Variants in SOX6 observed in about 807,000 individuals in gnomAD.
The protein encoded by SOX6 is SRY-box transcription factor 6, also known as transcription factor SOX-6.
SOX6 carries 11 observed loss-of-function variants against 97.8 expected under a neutral mutation model. That is an observed-to-expected ratio of 0.11 (90% CI 0.07 to 0.19). SOX6 has a LOEUF of 0.19. Among genes scored for constraint, SOX6 ranks in the 10% least tolerant of loss-of-function variants. The probability of loss-of-function intolerance (pLI) is 1.00; values close to 1 mark genes in which losing one functional copy is unlikely to be tolerated. For missense variants in SOX6, 810 were observed against 1,039.5 expected (o/e 0.78, Z 3.04); for synonymous variants, 360 against 371.4 (o/e 0.97, Z 0.35).
rs1215855076 is a variant in SOX6 at position 16,514,678 on chromosome 11, C to T, written n.610-38290G>A. Among the ~76,000 whole-genome samples the T allele has an allele frequency of 4.0e-4, 58 of 146,822 alleles. 1 individual carries two copies. Among genetic ancestry groups the T allele is most frequent in the South Asian group, 2.3e-4 (1 of 4,380 alleles). ...GTCATCTAGCATTAGGTATATCTCC[C>T]AATGCTATCCCTCCCCCCTCCCCCC... On this transcript the variant is annotated intron_variant and non_coding_transcript_variant, in intron 4 of 5. Coordinates refer to the SOX6 transcript ENST00000524520.
chr11:16,685,902 A>G (rs772585613), intron 3 of SOX6, among the ~76,000 whole-genome samples: 5 of 152,190 alleles, frequency 3.3e-5, no homozygotes, highest in Non-Finnish European at 5.9e-5. Context: ...TCGCTCTTGC[A>G]CTCTGCGTGC....
intron 4 of SOX6, among the ~76,000 whole-genome samples, chr11:16,534,849 T>C (rs192410623): frequency 2.4e-4 from 37 of 152,330 alleles, no homozygotes; most frequent in Non-Finnish European, 4.7e-4. Flanking sequence ...CTTGATGCCA[T>C]ATCCTTTTCC....
intron 4 of SOX6, among the ~76,000 whole-genome samples, chr11:16,508,361 C>G (rs982392498): frequency 1.3e-5 from 2 of 152,030 alleles, no homozygotes; most frequent in African/African-American, 4.8e-5. Flanking sequence ...GGTATTTATC[C>G]AAAGGAAAGG....
chr11:16,076,393 TAAATC>T (rs1263140978), intron 9 of SOX6, among the ~76,000 whole-genome samples: 2 of 130,690 alleles, frequency 1.5e-5, no homozygotes, highest in Non-Finnish European at 3.3e-5. Flanking sequence ...ATAAGGAACT[TAAATC>T]AATAAGCAAA....
intron 4 of SOX6, chr11:16,484,578 C>T: frequency 2.7e-6 from 2 of 742,004 alleles, no homozygotes; most frequent in East Asian, 2.5e-5. Flanking sequence ...GCCACCTTCA[C>T]AGCCTCAGTC....
intron 13 of SOX6, among the ~76,000 whole-genome samples, chr11:15,999,550 A>G (rs1854334635): frequency 6.6e-6 from 1 of 152,024 alleles, no homozygotes; most frequent in Admixed American, 6.6e-5. Context: ...AAAAACAAAA[A>G]CCCCACAAAA....
rs191571846 is a variant in SOX6 at position 16,035,426 on chromosome 11, G to A, written c.1623+11088C>T. ...AGAATTAACTTTAATTAATAAATGT[G>A]TGAAATGCTTTGCAAACAATTTAAA... On this transcript the variant is annotated intron_variant, in intron 12 of 15. Transcript: ENST00000683767. Among the ~76,000 whole-genome samples, 5 of 152,264 alleles carry A rather than the reference G, an allele frequency of 3.3e-5. No homozygotes were observed. In the East Asian group the frequency reaches 9.6e-4, roughly 29 times the overall value.
intron 4 of SOX6, among the ~76,000 whole-genome samples, chr11:16,576,649 G>T (rs963546441): frequency 2.0e-5 from 3 of 152,158 alleles, no homozygotes; most frequent in Middle Eastern, 3.4e-3. Context: ...GAGAAATAAA[G>T]TTATAAGGGA....
At chr11:16,311,676 A>G (rs893168346) in intron 3 of SOX6, 1 of 151,742 alleles carries the variant, frequency 6.6e-6, no homozygotes, top group African/African-American at 2.4e-5. Context: ...AACACAGGCA[A>G]CCTAGCTCCA....
At chr11:16,154,738 C>T (rs1302128140) in intron 6 of SOX6, among the ~76,000 whole-genome samples, 1 of 152,130 alleles carries the variant, frequency 6.6e-6, no homozygotes, top group Non-Finnish European at 1.5e-5. Flanking sequence ...TTTCCTGTTT[C>T]TATTTCCCCA....
At chr11:16,548,982 T>A (rs1051839344) in intron 4 of SOX6, among the ~76,000 whole-genome samples, 1 of 152,080 alleles carries the variant, frequency 6.6e-6, no homozygotes, top group African/African-American at 2.4e-5. Context: ...AGGATTTATA[T>A]CTGGAATATA....
At chr11:16,242,839 A>C (rs926064109) in intron 3 of SOX6, among the ~76,000 whole-genome samples, 3 of 151,996 alleles carry the variant, frequency 2.0e-5, no homozygotes, top group Non-Finnish European at 2.9e-5. Context: ...GATCAATTTA[A>C]AACAAGGTTA....
intron 3 of SOX6, among the ~76,000 whole-genome samples, chr11:16,297,025 A>G (rs1855114681): frequency 6.6e-6 from 1 of 152,188 alleles, no homozygotes; most frequent in South Asian, 2.1e-4. Context: ...ATTTCAAAAT[A>G]AAAGTTTTAC....
At chr11:16,277,473 T>A (rs1453548587) in intron 3 of SOX6, among the ~76,000 whole-genome samples, 1 of 152,188 alleles carries the variant, frequency 6.6e-6, no homozygotes, top group Non-Finnish European at 1.5e-5. Context: ...AGCCATCCTG[T>A]CTGTGGTATT....
intron 4 of SOX6, among the ~76,000 whole-genome samples, chr11:16,494,491 T>C (rs747990064): frequency 1.3e-5 from 2 of 152,084 alleles, no homozygotes; most frequent in African/African-American, 4.8e-5. Flanking sequence ...CAAAAGCAAA[T>C]ATGTATAATA....
intron 2 of SOX6, among the ~76,000 whole-genome samples, chr11:16,334,957 A>G (rs1856412765): frequency 6.6e-6 from 1 of 152,174 alleles, no homozygotes; most frequent in Non-Finnish European, 1.5e-5. Context: ...TCTAAAGGAC[A>G]GTGCACATTA....
chr11:16,445,214 G>A (rs1217920980), intron 1 of SOX6, among the ~76,000 whole-genome samples: 1 of 152,114 alleles, frequency 6.6e-6, no homozygotes, highest in Non-Finnish European at 1.5e-5. Flanking sequence ...GGTAACACTA[G>A]AGTAACAATA....
intron 4 of SOX6, among the ~76,000 whole-genome samples, chr11:16,541,246 T>A (rs567281640): frequency 6.6e-6 from 1 of 152,206 alleles, no homozygotes; most frequent in African/African-American, 2.4e-5. Context: ...TAATAAATGA[T>A]GCTGGGAAAA....
Position 16,214,570 on chromosome 11 carries a change from C to T in SOX6, c.535+20012G>A, listed in dbSNP as rs1052943987. Among the ~76,000 whole-genome samples, 11 of 152,202 alleles carry T rather than the reference C, an allele frequency of 7.2e-5. No homozygotes were observed. The South Asian group carries it at 1.0e-3, about 14-fold the overall frequency. Reference sequence around the variant, plus strand: ...CTCAACTGCTAAAATAACCATTACCCGCTGCTCCTATACTGTCAGTGTTGA... The same window carrying T: ...CTCAACTGCTAAAATAACCATTACCTGCTGCTCCTATACTGTCAGTGTTGA... On this transcript the variant is annotated intron_variant, in intron 4 of 15. Coordinates refer to ENST00000683767, the MANE Select transcript of SOX6 (RefSeq NM_001367873.1).
Sources: gnomAD v4.1 joint callset for allele counts (sites outside exome capture counted in the v4.1 genomes callset) on GRCh38, gnomAD v4.1.1 for gene constraint, MANE v1.5 for transcripts, NCBI Gene and HGNC (gene_info 2026-07-23, HGNC 2026-07-21) for gene names.